The following NYAP2 variants were observed in gnomAD, a reference collection of about 807,000 sequenced individuals.
NYAP2 encodes neuronal tyrosine-phosphorylated phosphoinositide-3-kinase adaptor 2.
Under a neutral mutation model 50.4 loss-of-function variants are expected in NYAP2, and 23 were observed. That is an observed-to-expected ratio of 0.46 (90% CI 0.33 to 0.65). The LOEUF (loss-of-function observed/expected upper bound fraction) is 0.65, where lower values mean the gene tolerates loss of function less well. NYAP2 is among the 30% of genes least tolerant of loss of function. NYAP2 has a pLI of 0.02. For synonymous variants in NYAP2, 394 were observed against 365.2 expected (o/e 1.08, Z -0.90); for missense variants, 885 against 861.0 (o/e 1.03, Z -0.35).
At chr2:225,564,364 G>T (rs1691926424) in intron 4 of NYAP2, among the ~76,000 whole-genome samples, 1 of 151,604 alleles carries the variant, frequency 6.6e-6, no homozygotes, top group South Asian at 2.1e-4. Flanking sequence ...TGCTACTTCT[G>T]CTTGTGTTGT....
chr2:225,521,874 G>A (rs182833069), intron 4 of NYAP2, among the ~76,000 whole-genome samples: 511 of 152,112 alleles, frequency 3.4e-3, no homozygotes, highest in Non-Finnish European at 5.5e-3. Context: ...TGTACCTCTG[G>A]TAGAATTCGG....
chr2:225,502,672 T>A (rs1381327500), intron 3 of NYAP2, among the ~76,000 whole-genome samples: 1 of 152,240 alleles, frequency 6.6e-6, no homozygotes, highest in Non-Finnish European at 1.5e-5. Flanking sequence ...TCTCTTCATC[T>A]GATGAAGTCT....
chr2:225,465,349 G>A (rs938354170), intron 3 of NYAP2, among the ~76,000 whole-genome samples: 1 of 151,964 alleles, frequency 6.6e-6, no homozygotes, highest in African/African-American at 2.4e-5. Context: ...TTTTCTTAGA[G>A]TTACACCTCC....
intron 5 of NYAP2, among the ~76,000 whole-genome samples, chr2:225,607,837 A>C (rs1215751345): frequency 6.6e-6 from 1 of 152,164 alleles, no homozygotes; most frequent in African/African-American, 2.4e-5. Flanking sequence ...TACATATTTA[A>C]TGCGGTAAAT....
At chr2:225,641,054 C>T (rs2106265861) in intron 6 of NYAP2, among the ~76,000 whole-genome samples, 1 of 152,222 alleles carries the variant, frequency 6.6e-6, no homozygotes, top group Non-Finnish European at 1.5e-5. Flanking sequence ...TGCTTGAGAA[C>T]CACAATGACA....
chr2:225,478,222 G>A (rs1690149542), intron 3 of NYAP2, among the ~76,000 whole-genome samples: 1 of 152,166 alleles, frequency 6.6e-6, no homozygotes, highest in Non-Finnish European at 1.5e-5. Flanking sequence ...AGGGAAGGAA[G>A]AACTGGGAGG....
chr2:225,498,537 G>A (rs997374465), intron 3 of NYAP2, among the ~76,000 whole-genome samples: 4 of 151,754 alleles, frequency 2.6e-5, no homozygotes, highest in African/African-American at 9.7e-5. Flanking sequence ...ACTTTTAAGA[G>A]GAGGATTGAT....
intron 3 of NYAP2, among the ~76,000 whole-genome samples, chr2:225,484,414 C>T (rs573124947): frequency 1.3e-5 from 2 of 152,260 alleles, no homozygotes; most frequent in Admixed American, 6.5e-5. Context: ...TATTAATTAG[C>T]CTCTAGTGTT....
the NYAP2 span, among the ~76,000 whole-genome samples, chr2:225,670,134 T>C: frequency 2.0e-5 from 3 of 152,186 alleles, no homozygotes; most frequent in South Asian, 6.2e-4. Flanking sequence ...ACCAAATCCA[T>C]TTTGTACAAT....
At chr2:225,433,445 C>T (rs1486474631) in intron 3 of NYAP2, among the ~76,000 whole-genome samples, 1 of 150,442 alleles carries the variant, frequency 6.6e-6, no homozygotes, top group Admixed American at 6.6e-5. Flanking sequence ...GTATATTTGC[C>T]GAAAAAATTT....
chr2:225,585,569 T>C (rs1033636457), intron 5 of NYAP2, among the ~76,000 whole-genome samples: 19 of 152,208 alleles, frequency 1.2e-4, no homozygotes, highest in African/African-American at 4.6e-4. Context: ...AAGGATTGAA[T>C]TATTTCACAT....
intron 3 of NYAP2, among the ~76,000 whole-genome samples, chr2:225,494,372 T>G (rs1019760614): frequency 6.6e-6 from 1 of 152,224 alleles, no homozygotes; most frequent in Non-Finnish European, 1.5e-5. Flanking sequence ...TGAAGATGAC[T>G]TAATAAGGCA....
At chr2:225,643,924 A>G (rs1214758031) in intron 6 of NYAP2, among the ~76,000 whole-genome samples, 1 of 150,400 alleles carries the variant, frequency 6.6e-6, no homozygotes. Flanking sequence ...GTGTCTTTAT[A>G]GCAGCATGAT....
chr2:225,582,345 T>G lies in NYAP2; in HGVS notation c.928T>G (p.Ser310Ala). The change falls in exon 5 of 7, where the codon TCA (serine) becomes GCA (alanine). Residue 310 changes from serine (S) to alanine (A), a missense_variant. Coordinates refer to ENST00000636099, the Ensembl canonical transcript of NYAP2. The surrounding 1 kb of genome is among the most constrained non-coding windows in gnomAD (Gnocchi z 7.0). ...GCCTGACTTGGACTTCGCCAAGGCC[T>G]CAGTGCCATGCCCCCCCAAGGGGCT... The G allele has an allele frequency of 6.2e-7, 1 of 1,613,852 alleles. No homozygotes were observed.
intron 4 of NYAP2, among the ~76,000 whole-genome samples, chr2:225,556,523 C>T (rs969206616): frequency 6.6e-6 from 1 of 152,154 alleles, no homozygotes; most frequent in African/African-American, 2.4e-5. Flanking sequence ...TCTGCTGTTC[C>T]TTGAGCTCCT....
chr2:225,682,449 A>T, the NYAP2 span, among the ~76,000 whole-genome samples: 1 of 152,194 alleles, frequency 6.6e-6, no homozygotes, highest in Non-Finnish European at 1.5e-5. Flanking sequence ...CACTTCCAGT[A>T]GCTACAAACT....
chr2:225,491,419 T>C (rs1243548745), intron 3 of NYAP2, among the ~76,000 whole-genome samples: 1 of 152,190 alleles, frequency 6.6e-6, no homozygotes, highest in Non-Finnish European at 1.5e-5. Flanking sequence ...TTGAATACTA[T>C]CATCTCACCC....
At chr2:225,662,411 T>C in the NYAP2 span, among the ~76,000 whole-genome samples, 2 of 152,214 alleles carry the variant, frequency 1.3e-5, no homozygotes, top group East Asian at 1.9e-4. Context: ...CATGCACACA[T>C]AGATATCAGC....
chr2:225,438,479 C>T (rs1049673794), intron 3 of NYAP2, among the ~76,000 whole-genome samples: 1 of 152,240 alleles, frequency 6.6e-6, no homozygotes, highest in African/African-American at 2.4e-5. Flanking sequence ...AAATCACTGA[C>T]AAATGCCTGC....
Sources: allele counts gnomAD v4.1 joint callset (sites outside exome capture counted in the v4.1 genomes callset), GRCh38; gene constraint gnomAD v4.1.1; non-coding constraint Gnocchi (gnomAD v3.1); transcripts MANE v1.5; gene names NCBI Gene and HGNC (gene_info 2026-07-23, HGNC 2026-07-21).